Variants in LBHD2 observed in about 807,000 individuals in gnomAD.
LBHD2 encodes the protein LBH domain-containing protein 2.
rs532792990 is a variant in LBHD2 at position 103,089,768 on chromosome 14, G to C, written c.298G>C (p.Glu100Gln). 1.5e-5 allele frequency: 6 copies of C among 398,536 alleles called. No homozygotes were observed. The East Asian group carries it at 2.1e-4, about 14-fold the overall frequency. The allele number at this position is 398,536 out of a possible 1,614,324, so 24.7% of individuals were successfully genotyped here. A position where few individuals can be genotyped will look rare whatever the true frequency, so the allele number is the denominator to read the frequency against. ...DNAGSECACS[E>Q]DPAAPARG ...CGCTGGCAGCGAGTGTGCCTGCTCC[G>C]AGGACCCAGCAGCCCCGGCCCGGGG... The change falls in exon 4 of 4, where the codon GAG becomes CAG. Residue 100 changes from glutamate to glutamine, a missense_variant. Transcript: ENST00000634353.
chr14:103,084,715 GTCTC>G (rs369355777), intron 1 of LBHD2, among the ~76,000 whole-genome samples: 15 of 149,862 alleles, frequency 1.0e-4, no homozygotes, highest in Non-Finnish European at 1.9e-4. Context: ...GTCTGTTTCT[GTCTC>G]TCTCTCTCTC....
At chr14:103,085,478 C>T (rs1163331691) in intron 1 of LBHD2, among the ~76,000 whole-genome samples, 3 of 152,236 alleles carry the variant, frequency 2.0e-5, no homozygotes, top group Non-Finnish European at 4.4e-5. Context: ...TCATTTCCCC[C>T]TGGGCTGTGG....
intron 2 of LBHD2, among the ~76,000 whole-genome samples, chr14:103,086,930 C>T (rs188177462): frequency 3.2e-4 from 49 of 152,292 alleles, no homozygotes; most frequent in Admixed American, 1.9e-3. Context: ...GAGCTGCAAA[C>T]GCTGCTGGCC....
At chr14:103,084,530 T>C (rs1889609486) in intron 1 of LBHD2, among the ~76,000 whole-genome samples, 183 bp downstream of exon 1, 1 of 151,808 alleles carries the variant, frequency 6.6e-6, no homozygotes, top group African/African-American at 2.4e-5. Flanking sequence ...GCGCTGGGGG[T>C]GGTGGGTGCC....
intron 1 of LBHD2, 37 bp from the exon 2 acceptor site, chr14:103,085,939 A>G (rs1052412754): frequency 2.5e-6 from 1 of 398,454 alleles, no homozygotes; most frequent in Non-Finnish European, 4.4e-6. Context: ...TGGATCCAGC[A>G]TCAGGCCAAC....
chr14:103,087,911 T>C (rs1203823770), intron 2 of LBHD2, among the ~76,000 whole-genome samples, 174 bp from the exon 3 acceptor site: 1 of 152,066 alleles, frequency 6.6e-6, no homozygotes, highest in African/African-American at 2.4e-5. Flanking sequence ...GGGTAGGGCC[T>C]GGGACCTGTC....
intron 1 of LBHD2, among the ~76,000 whole-genome samples, 154 bp from the exon 2 acceptor site, chr14:103,085,822 G>A (rs1178909338): frequency 1.3e-5 from 2 of 152,206 alleles, no homozygotes; most frequent in Non-Finnish European, 2.9e-5. Context: ...CTGGCGGCGG[G>A]CTCAGGCAGG....
intron 1 of LBHD2, among the ~76,000 whole-genome samples, chr14:103,084,957 G>A (rs1889614542): frequency 6.6e-6 from 1 of 152,110 alleles, no homozygotes; most frequent in Non-Finnish European, 1.5e-5. Flanking sequence ...TTTGGGGTTG[G>A]GCAGAGGAGC....
At chr14:103,085,579 T>C (rs1399298766) in intron 1 of LBHD2, among the ~76,000 whole-genome samples, 1 of 152,218 alleles carries the variant, frequency 6.6e-6, no homozygotes, top group Non-Finnish European at 1.5e-5. Flanking sequence ...ACCCAGTCCC[T>C]ACTACTCCCA....
chr14:103,087,737 GGGGGTGCGCAGAAGCCT>G (rs1434766531), intron 2 of LBHD2, among the ~76,000 whole-genome samples: 1 of 152,204 alleles, frequency 6.6e-6, no homozygotes, highest in African/African-American at 2.4e-5. Context: ...GGAGGCAGCT[GGGGGTGCGCAGAAGCCT>G]GGGCTCATTC....
At chr14:103,085,330 G>C in intron 1 of LBHD2, among the ~76,000 whole-genome samples, 1 of 152,182 alleles carries the variant, frequency 6.6e-6, no homozygotes, top group East Asian at 1.9e-4. Flanking sequence ...CACACGGCCC[G>C]AGCGCAGGTG....
chr14:103,085,516 A>G (rs1349012396), intron 1 of LBHD2, among the ~76,000 whole-genome samples: 1 of 152,144 alleles, frequency 6.6e-6, no homozygotes, highest in East Asian at 1.9e-4. Context: ...CGGGGTGTGC[A>G]GGGTGCATGC....
At chr14:103,086,401 G>A (rs558149055) in intron 2 of LBHD2, among the ~76,000 whole-genome samples, 3 of 151,416 alleles carry the variant, frequency 2.0e-5, no homozygotes, top group South Asian at 2.1e-4. Context: ...TAGTAGACTC[G>A]GGTTTCACCA....
At chr14:103,088,570 C>T (rs866473761) in intron 3 of LBHD2, among the ~76,000 whole-genome samples, 3 of 152,250 alleles carry the variant, frequency 2.0e-5, no homozygotes, top group African/African-American at 2.4e-5. Flanking sequence ...AGTGCACCCT[C>T]GTCATCACCT....
rs187321827 is a variant in LBHD2 at position 103,089,982 on chromosome 14, C to T, written c.*185C>T. On this transcript the variant is annotated 3_prime_UTR_variant, in exon 4 of 4. Transcript: ENST00000634353. ...CATGGCCCAGGTCTGGATCACACCC[C>T]GCTTTGTTCCGTGGTTTGAAGCAGA... 91 of 396,198 alleles carry T rather than the reference C, an allele frequency of 2.3e-4. No individual in the cohort carries two copies. The highest frequency in any genetic ancestry group is 1.6e-3 in the East Asian group (44 of 28,000). The allele number at this position is 396,198 out of a possible 1,614,324, so 24.5% of individuals were successfully genotyped here.
At chr14:103,087,294 C>A (rs925699281) in intron 2 of LBHD2, among the ~76,000 whole-genome samples, 15 of 152,226 alleles carry the variant, frequency 9.9e-5, no homozygotes, top group African/African-American at 3.4e-4. Flanking sequence ...TCAGCTAAGT[C>A]CCCCCTGCTG....
chr14:103,084,554 G>GC (rs1889609908), intron 1 of LBHD2, among the ~76,000 whole-genome samples: 1 of 152,234 alleles, frequency 6.6e-6, no homozygotes, highest in Non-Finnish European at 1.5e-5. Flanking sequence ...GATGTGTGGT[G>GC]CCCCGGCTGG....
intron 2 of LBHD2, 25 bp downstream of exon 2, chr14:103,086,106 G>T (rs372136657): frequency 0.3 from 117,846 of 398,416 alleles, 18,381 homozygotes; most frequent in Non-Finnish European, 0.33. Context: ...CCCTGGGGGG[G>T]TCGGGAGGGA....
chr14:103,088,719 C>T (rs1344745651), intron 3 of LBHD2, among the ~76,000 whole-genome samples: 2 of 152,328 alleles, frequency 1.3e-5, no homozygotes, highest in African/African-American at 2.4e-5. Context: ...GCAGGCCAGG[C>T]GCGGTGGCTC....
Sources: gnomAD v4.1 joint callset for allele counts (sites outside exome capture counted in the v4.1 genomes callset) on GRCh38, gnomAD v4.1.1 for gene constraint, MANE v1.5 for transcripts, NCBI Gene and HGNC (gene_info 2026-07-23, HGNC 2026-07-21) for gene names.